CDH18: variants seen among roughly 807,000 people sequenced by gnomAD.
The protein encoded by CDH18 is cadherin-18.
In CDH18, 31 loss-of-function variants were observed where a neutral mutation model predicts 67.9. The ratio of observed to expected loss-of-function variants is 0.46; its 90% CI spans 0.34 to 0.62. CDH18 has a LOEUF of 0.62. Among genes scored for constraint, CDH18 ranks in the 20% least tolerant of loss-of-function variants. CDH18 has a pLI of 0.01. For missense variants in CDH18, 890 were observed against 975.5 expected (o/e 0.91, Z 1.17); for synonymous variants, 362 against 347.2 (o/e 1.04, Z -0.48).
intron 1 of CDH18, among the ~76,000 whole-genome samples, chr5:20,475,206 CA>C (rs1460390706): frequency 6.6e-6 from 1 of 152,010 alleles, no homozygotes; most frequent in African/African-American, 2.4e-5. Context: ...CAATTATTTT[CA>C]TATTGTAGTT....
At position 19,591,093 on chromosome 5, in the gene CDH18, G is replaced by T; in HGVS notation, c.963C>A (p.Asp321Glu). The change falls in exon 7 of 13, where the codon GAC (aspartate) becomes GAA (glutamate). Residue 321 changes from aspartate (D) to glutamate (E), a missense_variant. Asp to Glu is a conservative substitution (Grantham distance 45). Transcript: ENST00000382275. ...DGMGIFSIST[D>E]KETREGILSL... Reference sequence around the variant, plus strand: ...AAAGGATTCCTTCTCTGGTCTCTTTGTCAGTGGAGATTGAGAATATTCCCA... The same window carrying T: ...AAAGGATTCCTTCTCTGGTCTCTTTTTCAGTGGAGATTGAGAATATTCCCA... 6.2e-7 allele frequency: 1 copy of T among 1,608,122 alleles called. No individual in the cohort carries two copies. Among genetic ancestry groups the T allele is most frequent in the Non-Finnish European group, 8.5e-7 (1 of 1,176,886 alleles).
rs924834504 is a variant in CDH18 at position 19,757,959 on chromosome 5, G to A, written c.229-10723C>T. Among the ~76,000 whole-genome samples the A allele has an allele frequency of 2.0e-5, 3 of 152,114 alleles. 1 individual carries two copies. Among genetic ancestry groups the A allele is most frequent in the South Asian group, 4.1e-4 (2 of 4,830 alleles). ...CACTTTTGGGTGGTGCCTGAATATC[G>A]TGCAGAACCATCTGTGAACCAGGCT... On this transcript the variant is annotated intron_variant, in intron 3 of 12. Coordinates refer to ENST00000382275, the MANE Select transcript of CDH18 (RefSeq NM_004934.5).
chr5:20,428,724 G>C (rs1748514435), intron 1 of CDH18, among the ~76,000 whole-genome samples: 1 of 151,958 alleles, frequency 6.6e-6, no homozygotes, highest in Non-Finnish European at 1.5e-5. Flanking sequence ...ATATGTTTGT[G>C]ACCCAATGTG....
chr5:20,357,227 A>T (rs895598650), intron 1 of CDH18, among the ~76,000 whole-genome samples: 4 of 152,120 alleles, frequency 2.6e-5, no homozygotes, highest in Non-Finnish European at 4.4e-5. Flanking sequence ...AGGCGAAAAG[A>T]AACATGATTA....
At chr5:20,243,887 G>A (rs1317703193) in intron 2 of CDH18, among the ~76,000 whole-genome samples, 1 of 151,998 alleles carries the variant, frequency 6.6e-6, no homozygotes, top group Non-Finnish European at 1.5e-5. Context: ...ATCATATAAT[G>A]AATGAATCAG....
chr5:19,898,349 A>C (rs905847499), intron 2 of CDH18, among the ~76,000 whole-genome samples: 3 of 29,398 alleles, frequency 1.0e-4, no homozygotes, highest in Non-Finnish European at 2.7e-4. Context: ...TTGTTCTTAT[A>C]GTTAAAAAAA....
At chr5:19,625,032 C>G (rs2150155841) in intron 5 of CDH18, among the ~76,000 whole-genome samples, 1 of 146,720 alleles carries the variant, frequency 6.8e-6, no homozygotes, top group East Asian at 2.0e-4. Flanking sequence ...CTAGGAAGGG[C>G]AGATTAGTGA....
chr5:20,557,644 A>T (rs913728799), intron 1 of CDH18, among the ~76,000 whole-genome samples: 1 of 151,930 alleles, frequency 6.6e-6, no homozygotes, highest in African/African-American at 2.4e-5. Context: ...AGGGGGAAAA[A>T]GGTTTAAAGG....
At chr5:19,533,825 T>G (rs1411868479) in intron 9 of CDH18, among the ~76,000 whole-genome samples, 1 of 152,140 alleles carries the variant, frequency 6.6e-6, no homozygotes, top group Non-Finnish European at 1.5e-5. Context: ...CCCTTTCTGA[T>G]TGCTCTTATT....
At chr5:19,934,797 G>T (rs1248353077) in intron 2 of CDH18, among the ~76,000 whole-genome samples, 1 of 151,192 alleles carries the variant, frequency 6.6e-6, no homozygotes, top group South Asian at 2.1e-4. Context: ...TAATAACCTT[G>T]CACAGAATAA....
At chr5:19,553,744 G>A (rs546146211) in intron 8 of CDH18, among the ~76,000 whole-genome samples, 91 of 150,104 alleles carry the variant, frequency 6.1e-4, no homozygotes, top group African/African-American at 2.0e-3. Flanking sequence ...GGGCTCAAGT[G>A]ATCCTCCCAA....
At chr5:19,503,283 A>G (rs1743567300) in intron 10 of CDH18, among the ~76,000 whole-genome samples, 174 bp from the exon 11 acceptor site, 1 of 152,172 alleles carries the variant, frequency 6.6e-6, no homozygotes, top group African/African-American at 2.4e-5. Context: ...ATCCTGCATT[A>G]GATTTTAGGA....
At chr5:19,685,298 C>G (rs1482439492) in intron 5 of CDH18, among the ~76,000 whole-genome samples, 1 of 152,164 alleles carries the variant, frequency 6.6e-6, no homozygotes, top group African/African-American at 2.4e-5. Flanking sequence ...GGTCAGGTGA[C>G]TCTACTAGAC....
At chr5:20,279,347 A>G (rs1018112697) in intron 1 of CDH18, among the ~76,000 whole-genome samples, 26 of 151,890 alleles carry the variant, frequency 1.7e-4, no homozygotes, top group Admixed American at 2.6e-4. Context: ...CAGCAACATG[A>G]TGTAATAATT....
intron 1 of CDH18, among the ~76,000 whole-genome samples, chr5:20,334,683 A>G (rs929043873): frequency 6.6e-6 from 1 of 151,932 alleles, no homozygotes; most frequent in Non-Finnish European, 1.5e-5. Flanking sequence ...TAAATTTATT[A>G]AAAGAAATTC....
chr5:20,368,132 T>C (rs1380993664), intron 1 of CDH18, among the ~76,000 whole-genome samples: 2 of 152,228 alleles, frequency 1.3e-5, no homozygotes, highest in Non-Finnish European at 2.9e-5. Context: ...ATAGCAAATA[T>C]TGAAAGCTTC....
At chr5:19,896,682 C>T (rs971003483) in intron 2 of CDH18, among the ~76,000 whole-genome samples, 4 of 152,100 alleles carry the variant, frequency 2.6e-5, no homozygotes, top group Admixed American at 1.3e-4. Flanking sequence ...AATGAATTGA[C>T]GGAAATCTGT....
chr5:20,252,810 G>A (rs945216950), intron 2 of CDH18, among the ~76,000 whole-genome samples: 1 of 151,780 alleles, frequency 6.6e-6, no homozygotes, highest in African/African-American at 2.4e-5. Context: ...GGTGGTGGGC[G>A]CCTGTAGTCC....
chr5:20,443,149 G>A (rs1251826629), intron 1 of CDH18, among the ~76,000 whole-genome samples: 6 of 130,838 alleles, frequency 4.6e-5, no homozygotes, highest in African/African-American at 1.1e-4. Flanking sequence ...GGCGGAGCTT[G>A]CAGTGAGCCG....
Sources: allele counts gnomAD v4.1 joint callset (sites outside exome capture counted in the v4.1 genomes callset), GRCh38; gene constraint gnomAD v4.1.1; transcripts MANE v1.5; gene names NCBI Gene and HGNC (gene_info 2026-07-23, HGNC 2026-07-21).